EHBP1: variants seen among roughly 807,000 people sequenced by gnomAD.
The protein encoded by EHBP1 is EH domain-binding protein 1.
Under a neutral mutation model 144.0 loss-of-function variants are expected in EHBP1, and 55 were observed. That is an observed-to-expected ratio of 0.38 (90% CI 0.31 to 0.48). The LOEUF (loss-of-function observed/expected upper bound fraction) is 0.48. EHBP1 is among the 20% of genes least tolerant of loss of function. The pLI is 0.98. For synonymous variants in EHBP1, 469 were observed against 472.7 expected, an observed-to-expected ratio of 0.99 and a Z score of 0.10; for missense variants, 1,200 against 1,364.2, an observed-to-expected ratio of 0.88 and a Z score of 1.90.
intron 5 of EHBP1, among the ~76,000 whole-genome samples, chr2:62,790,626 G>A (rs993686877): frequency 5.3e-5 from 8 of 151,930 alleles, no homozygotes; most frequent in Admixed American, 4.6e-4. Context: ...AATAATTTTC[G>A]TTTCTACATG....
chr2:62,761,064 A>G (rs1335006763), intron 3 of EHBP1, among the ~76,000 whole-genome samples: 3 of 152,154 alleles, frequency 2.0e-5, no homozygotes, highest in African/African-American at 7.2e-5. Flanking sequence ...TTGATTAACC[A>G]TAAGAGTTAA....
chr2:62,773,850 C>CAAAAAAAAAAAAAAAAAAAAAAAA (rs570715468), intron 5 of EHBP1, among the ~76,000 whole-genome samples: 3 of 41,552 alleles, frequency 7.2e-5, no homozygotes, highest in Non-Finnish European at 8.2e-5. Context: ...GACTCCATCT[C>CAAAAAAAAAAAAAAAAAAAAAAAA]AAAAAAAAAA....
intron 14 of EHBP1, among the ~76,000 whole-genome samples, chr2:62,963,277 G>A (rs1048281707): frequency 2.3e-4 from 35 of 152,108 alleles, no homozygotes; most frequent in African/African-American, 8.0e-4. Context: ...CATCAACCGC[G>A]TACTTTTGAT....
chr2:62,907,214 G>C (rs2053873441), intron 10 of EHBP1, among the ~76,000 whole-genome samples: 1 of 152,178 alleles, frequency 6.6e-6, no homozygotes, highest in Admixed American at 6.5e-5. Context: ...ACTGCCAAAT[G>C]ATTTTCTTAG....
chr2:62,716,453 C>T (rs576100683), intron 2 of EHBP1, among the ~76,000 whole-genome samples: 1 of 152,302 alleles, frequency 6.6e-6, no homozygotes, highest in African/African-American at 2.4e-5. Flanking sequence ...TGGTCATCTT[C>T]ATTCCAAAGC....
At chr2:62,781,450 A>G (rs1052280243) in intron 5 of EHBP1, among the ~76,000 whole-genome samples, 4 of 152,196 alleles carry the variant, frequency 2.6e-5, no homozygotes, top group South Asian at 2.1e-4. Context: ...TGCAAAAATA[A>G]TATGTTTGAT....
chr2:63,016,591 C>T (rs769312017), intron 19 of EHBP1, among the ~76,000 whole-genome samples: 3 of 151,816 alleles, frequency 2.0e-5, no homozygotes, highest in South Asian at 4.2e-4. Flanking sequence ...CCACCACGCC[C>T]GACTAATTTT....
At chr2:62,768,744 A>G (rs1410256861) in intron 4 of EHBP1, among the ~76,000 whole-genome samples, 1 of 152,230 alleles carries the variant, frequency 6.6e-6, no homozygotes, top group Non-Finnish European at 1.5e-5. Context: ...TCCTTGATGA[A>G]CATCGATGCA....
chr2:62,838,536 A>T (rs2047498435), intron 7 of EHBP1, among the ~76,000 whole-genome samples: 1 of 152,212 alleles, frequency 6.6e-6, no homozygotes, highest in Admixed American at 6.5e-5. Context: ...CCTTCAAAAA[A>T]TCAGTGAATC....
At chr2:62,981,511 G>C (rs2058969734) in intron 15 of EHBP1, among the ~76,000 whole-genome samples, 1 of 152,158 alleles carries the variant, frequency 6.6e-6, no homozygotes, top group Admixed American at 6.5e-5. Flanking sequence ...TAAATGACTT[G>C]TAAGTGCTGG....
chr2:62,754,728 A>G (rs570831867), intron 3 of EHBP1, among the ~76,000 whole-genome samples: 2 of 152,296 alleles, frequency 1.3e-5, no homozygotes, highest in East Asian at 1.9e-4. Flanking sequence ...CTTGCAGTTC[A>G]ATCTCCGACT....
At chr2:62,724,316 C>T (rs2036535412) in intron 2 of EHBP1, among the ~76,000 whole-genome samples, 1 of 152,186 alleles carries the variant, frequency 6.6e-6, no homozygotes, top group African/African-American at 2.4e-5. Flanking sequence ...GTAACCAATT[C>T]TGTCAGATTG....
intron 14 of EHBP1, among the ~76,000 whole-genome samples, chr2:62,957,469 T>C (rs1329270361): frequency 6.6e-6 from 1 of 152,124 alleles, no homozygotes; most frequent in East Asian, 1.9e-4. Flanking sequence ...CTATCACTTC[T>C]GTTCAATATC....
At chr2:62,839,653 A>G (rs571630157) in intron 7 of EHBP1, among the ~76,000 whole-genome samples, 2 of 149,664 alleles carry the variant, frequency 1.3e-5, no homozygotes, top group East Asian at 1.9e-4. Context: ...GTCTCAGGAT[A>G]CAAAATCAAT....
At chr2:63,039,816 T>A (rs931089918) in intron 21 of EHBP1, among the ~76,000 whole-genome samples, 3 of 152,196 alleles carry the variant, frequency 2.0e-5, no homozygotes, top group Non-Finnish European at 4.4e-5. Context: ...TTTTAGTTAC[T>A]TTTATATTCA....
At chr2:62,875,019 C>T (rs953878173) in intron 10 of EHBP1, among the ~76,000 whole-genome samples, 11 of 152,164 alleles carry the variant, frequency 7.2e-5, no homozygotes, top group Admixed American at 2.0e-4. Flanking sequence ...TGCACCCTGC[C>T]ACCCCGCCAT....
intron 5 of EHBP1, among the ~76,000 whole-genome samples, chr2:62,790,052 G>C (rs1438344021): frequency 6.6e-6 from 1 of 152,150 alleles, no homozygotes; most frequent in African/African-American, 2.4e-5. Flanking sequence ...GTTTCAGTGA[G>C]CCAGTCTTTG....
intron 19 of EHBP1, among the ~76,000 whole-genome samples, chr2:63,014,194 CA>C (rs2060388025): frequency 6.6e-6 from 1 of 152,214 alleles, no homozygotes; most frequent in African/African-American, 2.4e-5. Flanking sequence ...ACAGGTTTCT[CA>C]GTATTGTTTC....
intron 5 of EHBP1, among the ~76,000 whole-genome samples, chr2:62,814,721 A>G (rs138279487): frequency 0.015 from 2,350 of 152,332 alleles, 28 homozygotes; most frequent in Non-Finnish European, 0.019. Flanking sequence ...AGACAAAACA[A>G]CAAAGGCATG....
Sources: allele counts gnomAD v4.1 joint callset (sites outside exome capture counted in the v4.1 genomes callset), GRCh38; gene constraint gnomAD v4.1.1; transcripts MANE v1.5; gene names NCBI Gene and HGNC (gene_info 2026-07-23, HGNC 2026-07-21).